ARMC8: variants seen among roughly 807,000 people sequenced by gnomAD.
ARMC8 encodes the protein armadillo repeat containing 8.
ARMC8 carries 20 observed loss-of-function variants against 99.3 expected under a neutral mutation model. The observed-to-expected ratio is 0.20, with a 90% confidence interval of 0.14 to 0.29. ARMC8 has a LOEUF of 0.29. ARMC8 is among the 10% of genes least tolerant of loss of function. The pLI is 1.00. For synonymous variants in ARMC8, 263 were observed against 278.3 expected, an observed-to-expected ratio of 0.95 and a Z score of 0.55; for missense variants, 569 against 809.5, an observed-to-expected ratio of 0.70 and a Z score of 3.60.
At chr3:138,292,918 C>CA in intron 21 of ARMC8, among the ~76,000 whole-genome samples, 1 of 152,208 alleles carries the variant, frequency 6.6e-6, no homozygotes, top group Middle Eastern at 3.4e-3. Context: ...GAGACTCAGG[C>CA]GCATAAGGTG....
chr3:138,238,231 C>T (rs986321820), intron 9 of ARMC8: 7 of 152,154 alleles, frequency 4.6e-5, no homozygotes, highest in Non-Finnish European at 7.3e-5. Context: ...CCACGCCTGG[C>T]TAATTTTTGT....
intron 6 of ARMC8, among the ~76,000 whole-genome samples, chr3:138,233,347 A>G (rs2046158183): frequency 6.6e-6 from 1 of 152,210 alleles, no homozygotes; most frequent in Non-Finnish European, 1.5e-5. Context: ...TAACTATATC[A>G]CACCATTTTA....
At chr3:138,252,285 G>A (rs1200708245) in intron 12 of ARMC8, among the ~76,000 whole-genome samples, 4 of 152,048 alleles carry the variant, frequency 2.6e-5, no homozygotes, top group Non-Finnish European at 4.4e-5. Context: ...ATTGCCGTAC[G>A]ACCTTGTTGG....
chr3:138,223,623 T>G lies in ARMC8; in HGVS notation c.338-13T>G, dbSNP rs2045523504. ...TTGAAAGGATTAGTCCTAAATCTCA[T>G]TTCTGTTAATAGGACTACTGTCCCC... On this transcript the variant is annotated splice_polypyrimidine_tract_variant and intron_variant, in intron 4 of 21. Coordinates refer to ENST00000469044, the MANE Select transcript of ARMC8 (RefSeq NM_001363941.2). 1 of 1,613,882 alleles carries G rather than the reference T, an allele frequency of 6.2e-7. No homozygotes were observed. Among genetic ancestry groups the G allele is most frequent in the Non-Finnish European group, 8.5e-7 (1 of 1,179,720 alleles).
intron 12 of ARMC8, 52 bp downstream of exon 12, chr3:138,245,235 G>T: frequency 6.2e-7 from 1 of 1,614,194 alleles, no homozygotes; most frequent in South Asian, 1.1e-5. Flanking sequence ...CAGGCAGGGA[G>T]TGACGTCAAC....
intron 12 of ARMC8, chr3:138,246,430 C>T (rs1576754567): frequency 2.0e-6 from 2 of 985,372 alleles, no homozygotes; most frequent in Non-Finnish European, 2.4e-6. Flanking sequence ...TGGATGTTGA[C>T]GCCAATGTTC....
At chr3:138,280,388 G>A (rs1263757181) in intron 18 of ARMC8, among the ~76,000 whole-genome samples, 1 of 151,748 alleles carries the variant, frequency 6.6e-6, no homozygotes, top group Admixed American at 6.6e-5. Flanking sequence ...TGTGATCTTG[G>A]CTCACTGCAG....
At chr3:138,271,784 T>C (rs1229010951) in intron 16 of ARMC8, among the ~76,000 whole-genome samples, 6 of 148,634 alleles carry the variant, frequency 4.0e-5, no homozygotes, top group African/African-American at 1.3e-4. Context: ...GTTCACAAGA[T>C]TTTTTTTTTC....
At chr3:138,224,079 G>A (rs538824128) in intron 5 of ARMC8, among the ~76,000 whole-genome samples, 9 of 151,252 alleles carry the variant, frequency 6.0e-5, no homozygotes, top group Non-Finnish European at 1.2e-4. Flanking sequence ...CTGCCTCAGC[G>A]TCTGGAGTAG....
At chr3:138,220,923 C>T (rs2108072934) in intron 2 of ARMC8, among the ~76,000 whole-genome samples, 2 of 152,178 alleles carry the variant, frequency 1.3e-5, no homozygotes, top group South Asian at 4.1e-4. Context: ...CTCCTGAGTT[C>T]AAGCAATCTG....
At chr3:138,205,611 G>A (rs1000011875) in intron 1 of ARMC8, among the ~76,000 whole-genome samples, 5 of 152,066 alleles carry the variant, frequency 3.3e-5, no homozygotes, top group African/African-American at 7.2e-5. Context: ...ACACGTGTCT[G>A]TTCCTAAATT....
intron 10 of ARMC8, among the ~76,000 whole-genome samples, chr3:138,241,160 T>C (rs944249980): frequency 6.6e-6 from 1 of 152,192 alleles, no homozygotes; most frequent in Non-Finnish European, 1.5e-5. Flanking sequence ...AGAAGTAAAA[T>C]TGGACTCATG....
At chr3:138,259,535 A>C (rs1369717645) in intron 12 of ARMC8, among the ~76,000 whole-genome samples, 1 of 152,188 alleles carries the variant, frequency 6.6e-6, no homozygotes, top group Non-Finnish European at 1.5e-5. Context: ...GTCTTGATGG[A>C]GAAGGTGGAC....
At chr3:138,210,989 T>C (rs1470227981) in intron 2 of ARMC8, among the ~76,000 whole-genome samples, 1 of 151,988 alleles carries the variant, frequency 6.6e-6, no homozygotes, top group Non-Finnish European at 1.5e-5. Context: ...AAAACGGTGG[T>C]ATTTCTGGTG....
At chr3:138,220,853 C>T (rs2045356135) in intron 2 of ARMC8, among the ~76,000 whole-genome samples, 1 of 151,918 alleles carries the variant, frequency 6.6e-6, no homozygotes, top group South Asian at 2.1e-4. Flanking sequence ...CCACACCTGG[C>T]TAATTTTTGT....
chr3:138,229,178 A>ATATATATATATATGTATATG (rs1576686064), intron 6 of ARMC8, 168 bp downstream of exon 6: 38 of 32,098 alleles, frequency 1.2e-3, no homozygotes, highest in Middle Eastern at 0.012. Flanking sequence ...ATATATATAT[A>ATATATATATATATGTATATG]TATATGTATA....
chr3:138,276,515 A>T (rs1057242006), intron 18 of ARMC8, among the ~76,000 whole-genome samples: 1 of 152,238 alleles, frequency 6.6e-6, no homozygotes, highest in Non-Finnish European at 1.5e-5. Flanking sequence ...TGGAAAGGAC[A>T]GTATGAATGC....
At chr3:138,199,126 AGAGCTTT>A (rs2043909444) in intron 1 of ARMC8, among the ~76,000 whole-genome samples, 1 of 152,144 alleles carries the variant, frequency 6.6e-6, no homozygotes, top group African/African-American at 2.4e-5. Context: ...GCTACAGTAC[AGAGCTTT>A]GATTAATCTT....
intron 21 of ARMC8, 59 bp from the exon 22 acceptor site, chr3:138,295,800 G>A: frequency 1.9e-6 from 3 of 1,582,498 alleles, no homozygotes; most frequent in Non-Finnish European, 2.6e-6. Context: ...TGAACCATAG[G>A]GTTTTTTACC....
Sources: allele counts gnomAD v4.1 joint callset (sites outside exome capture counted in the v4.1 genomes callset), GRCh38; gene constraint gnomAD v4.1.1; transcripts MANE v1.5; gene names NCBI Gene and HGNC (gene_info 2026-07-23, HGNC 2026-07-21).